Variants in SRPK1 observed in about 807,000 individuals in gnomAD.
SRPK1 encodes the protein SRSF protein kinase 1, also known as SFRS protein kinase 1.
A neutral mutation model predicts 89.5 loss-of-function variants in SRPK1; 52 were observed. The observed-to-expected ratio is 0.58, with a 90% CI of 0.46 to 0.73. The LOEUF (loss-of-function observed/expected upper bound fraction) is 0.73, where lower values mean the gene tolerates loss of function less well. SRPK1 is among the 30% of genes least tolerant of loss of function. The pLI, the probability that SRPK1 is intolerant of heterozygous loss-of-function variation, is 0.00. For synonymous variants in SRPK1, 255 were observed against 270.2 expected, an observed-to-expected ratio of 0.94 and a Z score of 0.55; for missense variants, 603 against 780.6, an observed-to-expected ratio of 0.77 and a Z score of 2.71.
chr6:35,835,987 C>G (rs981007749), intron 15 of SRPK1, among the ~76,000 whole-genome samples: 6 of 152,108 alleles, frequency 3.9e-5, no homozygotes, highest in African/African-American at 1.2e-4. Flanking sequence ...ACCCCAAATC[C>G]TACACAGTTT....
intron 15 of SRPK1, among the ~76,000 whole-genome samples, chr6:35,837,602 T>C (rs573299562): frequency 9.9e-5 from 15 of 151,902 alleles, no homozygotes; most frequent in African/African-American, 3.6e-4. Flanking sequence ...CTGTTGCCCA[T>C]GCTGGAGTGC....
intron 2 of SRPK1, among the ~76,000 whole-genome samples, chr6:35,893,206 C>T (rs1187983017): frequency 6.6e-6 from 1 of 152,092 alleles, no homozygotes; most frequent in Admixed American, 6.6e-5. Flanking sequence ...GAAATGGGGC[C>T]GGTTGCGGTG....
At chr6:35,841,422 A>G (rs1036790662) in intron 14 of SRPK1, among the ~76,000 whole-genome samples, 7 of 152,234 alleles carry the variant, frequency 4.6e-5, no homozygotes, top group African/African-American at 1.7e-4. Flanking sequence ...CCAAAGATTC[A>G]AGGAAAGCAC....
chr6:35,854,076 G>A (rs1769616382), intron 13 of SRPK1, among the ~76,000 whole-genome samples: 1 of 151,924 alleles, frequency 6.6e-6, no homozygotes, highest in African/African-American at 2.4e-5. Context: ...TCAGCCTCCT[G>A]AGTAGCTGAG....
rs77065254 is a variant in SRPK1 at position 35,900,771 on chromosome 6, G to A, written c.75-9758C>T. Among the ~76,000 whole-genome samples, 304 of 152,276 alleles carry A rather than the reference G, an allele frequency of 2.0e-3. 2 individuals carry two copies. Among genetic ancestry groups the A allele is most frequent in the African/African-American group, 6.9e-3 (286 of 41,554 alleles). On this transcript the variant is annotated intron_variant, in intron 2 of 15. Transcript: ENST00000373825. The stretch of plus-strand genomic sequence containing the variant: ...GAGTTTATCTGGAATGATTCAAAAC[G>A]GTGGTTTCAGAAAATGGAAATTTAG...
intron 3 of SRPK1, among the ~76,000 whole-genome samples, chr6:35,889,751 T>G (rs1770479899): frequency 6.8e-6 from 1 of 147,942 alleles, no homozygotes; most frequent in African/African-American, 2.5e-5. Flanking sequence ...GCCACTGCAC[T>G]CCAGCCTGGA....
intron 6 of SRPK1, among the ~76,000 whole-genome samples, chr6:35,882,681 C>T (rs1186676717): frequency 6.6e-6 from 1 of 152,112 alleles, no homozygotes; most frequent in Non-Finnish European, 1.5e-5. Context: ...ACAGAATTAT[C>T]AGGAGGTACA....
chr6:35,838,912 A>T (rs982933235), intron 14 of SRPK1: 2 of 1,121,992 alleles, frequency 1.8e-6, no homozygotes, highest in Non-Finnish European at 2.4e-6. Context: ...AAAACCAAGG[A>T]TACTGAAGGA....
At position 35,843,733 on chromosome 6, in the gene SRPK1, G is replaced by A. The variant is rs181910015; in HGVS notation, c.1621-1129C>T. 1.3e-3 allele frequency among the ~76,000 whole-genome samples: 191 copies of A among 152,276 alleles called. 1 individual carries two copies. Among genetic ancestry groups the A allele is most frequent in the African/African-American group, 3.9e-3 (163 of 41,564 alleles). On this transcript the variant is annotated intron_variant, in intron 13 of 15. Coordinates refer to ENST00000373825, the MANE Select transcript of SRPK1 (RefSeq NM_003137.5). ...CAAAGTGCTGGGATTACAGGCGTGAGCCACCATGCCTGGCCAATTCGTAGG... is the reference window on the plus strand; with the variant it reads ...CAAAGTGCTGGGATTACAGGCGTGAACCACCATGCCTGGCCAATTCGTAGG...
At chr6:35,877,925 A>C (rs1284201137) in intron 6 of SRPK1, among the ~76,000 whole-genome samples, 1 of 152,184 alleles carries the variant, frequency 6.6e-6, no homozygotes, top group East Asian at 1.9e-4. Context: ...GATGGAACAA[A>C]TGGCAGATTA....
At chr6:35,866,954 G>A (rs1473230856) in intron 12 of SRPK1, among the ~76,000 whole-genome samples, 1 of 152,154 alleles carries the variant, frequency 6.6e-6, no homozygotes, top group Non-Finnish European at 1.5e-5. Flanking sequence ...AGTGGGAGCT[G>A]CATAATGTGT....
intron 9 of SRPK1, among the ~76,000 whole-genome samples, 191 bp downstream of exon 9, chr6:35,870,743 T>G (rs1012136599): frequency 4.6e-5 from 7 of 152,162 alleles, no homozygotes; most frequent in African/African-American, 1.7e-4. Flanking sequence ...CAAACTCGAA[T>G]TTTTTAGAGG....
chr6:35,874,177 A>G, intron 7 of SRPK1, 56 bp downstream of exon 7: 1 of 1,393,926 alleles, frequency 7.2e-7, no homozygotes, highest in Non-Finnish European at 1.0e-6. Context: ...CTTCAAGAAT[A>G]TTAAAAAATC....
intron 13 of SRPK1, among the ~76,000 whole-genome samples, chr6:35,845,852 T>G (rs6457862): frequency 0.32 from 47,905 of 152,074 alleles, 7,782 homozygotes; most frequent in South Asian, 0.42. Context: ...GTGTGCTCAA[T>G]GTATTAACTT....
chr6:35,838,238 G>T, intron 15 of SRPK1, 99 bp downstream of exon 15: 2 of 822,480 alleles, frequency 2.4e-6, no homozygotes, highest in South Asian at 2.3e-5. Context: ...TAGCATTCAA[G>T]GCAGGCCCAT....
At chr6:35,879,210 C>G (rs999867356) in intron 6 of SRPK1, among the ~76,000 whole-genome samples, 5 of 152,010 alleles carry the variant, frequency 3.3e-5, no homozygotes, top group African/African-American at 1.2e-4. Context: ...ACATCTCAGG[C>G]TGATCCTTGG....
At chr6:35,897,603 C>T (rs1227940460) in intron 2 of SRPK1, among the ~76,000 whole-genome samples, 1 of 152,184 alleles carries the variant, frequency 6.6e-6, no homozygotes, top group Non-Finnish European at 1.5e-5. Context: ...CAGCCTTGTC[C>T]TCCTCAGTTC....
At position 35,886,761 on chromosome 6, in the gene SRPK1, T is replaced by C. The variant is rs1466761786; in HGVS notation, c.441A>G (p.Leu147=). 2 of 1,610,688 alleles carry C rather than the reference T, an allele frequency of 1.2e-6. No individual in the cohort carries two copies. The highest frequency in any genetic ancestry group is 1.1e-5 in the South Asian group (1 of 90,918). ...NDPNREMVVQ[L]LDDFKISGVN... is the part of the protein sequence containing the mutation. ...CTCCTGATATTTTAAAGTCATCTAG[T>C]AGTTGAACAACCATTTCTCTATTTG... is the stretch of plus-strand genomic sequence containing the variant. Residue 147 remains leucine (L), a synonymous_variant, in exon 6 of 16, where the codon CTA becomes CTG. Coordinates refer to ENST00000373825, the MANE Select transcript of SRPK1 (RefSeq NM_003137.5).
intron 2 of SRPK1, chr6:35,919,995 G>C: frequency 4.5e-6 from 2 of 445,448 alleles, no homozygotes; most frequent in Non-Finnish European, 9.0e-6. Context: ...CTCTATGAAA[G>C]GGAGTGTGTG....
Sources: allele counts gnomAD v4.1 joint callset (sites outside exome capture counted in the v4.1 genomes callset), GRCh38; gene constraint gnomAD v4.1.1; transcripts MANE v1.5; gene names NCBI Gene and HGNC (gene_info 2026-07-23, HGNC 2026-07-21).